Variants in PJA1 observed in about 807,000 individuals in gnomAD.
PJA1 encodes praja ring finger ubiquitin ligase 1, also known as E3 ubiquitin-protein ligase Praja-1.
A neutral mutation model predicts 14.1 loss-of-function variants in PJA1; 5 were observed. That is an observed-to-expected ratio of 0.35 (90% CI 0.18 to 0.74). The LOEUF (loss-of-function observed/expected upper bound fraction) is 0.74. PJA1 is among the 30% of genes least tolerant of loss of function. The probability of loss-of-function intolerance (pLI) is 0.56; values close to 1 mark genes in which losing one functional copy is unlikely to be tolerated. For synonymous variants in PJA1, 174 were observed against 190.9 expected (o/e 0.91, Z 0.73); for missense variants, 394 against 482.6 (o/e 0.82, Z 1.72).
Position 69,161,726 on chromosome X carries a change from C to T in PJA1, c.1348G>A (p.Glu450Lys), listed in dbSNP as rs1180423739. ...AGGCTCCAATCCACTTCTAGGTCTTCGCTCACACTGGAGTCATCTTCAAGG... is the reference window on the plus strand; with the variant it reads ...AGGCTCCAATCCACTTCTAGGTCTTTGCTCACACTGGAGTCATCTTCAAGG... Reference protein sequence around the residue: ...NNLEDDSSVSEDLEVDWSLFD... With the variant: ...NNLEDDSSVSKDLEVDWSLFD... The change falls in exon 2 of 2, where the codon GAA becomes AAA. Residue 450 changes from glutamate to lysine, a missense_variant. By Grantham distance (56) the Glu-to-Lys change is moderately conservative (BLOSUM62 1). Transcript: ENST00000374571. 3.3e-6 allele frequency: 4 copies of T among 1,209,473 alleles called. No homozygotes were observed. Among genetic ancestry groups the T allele is most frequent in the African/African-American group, 1.8e-5 (1 of 56,926 alleles).
chrX:69,161,178 AG>A lies in PJA1; in HGVS notation c.*128del, dbSNP rs1369167545. 2.2e-6 allele frequency: 2 copies of A among 912,965 alleles called. No individual in the cohort carries two copies. The highest frequency in any genetic ancestry group is 4.7e-5 in the Admixed American group (1 of 21,483). 75.2% of individuals were successfully genotyped at this position (912,965 alleles called of 1,213,427 possible). A position where few individuals can be genotyped will look rare whatever the true frequency, so the allele number is the denominator to read the frequency against. On this transcript the variant is annotated 3_prime_UTR_variant, in exon 2 of 2. Transcript: ENST00000374571. ...TGTTTTCACATTGGAAATAATCACG[AG>A]GAATCAATAGGTTTAGGCTAACTGA...
Position 69,162,420 on chromosome X carries a change from A to C in PJA1, c.654T>G (p.Ile218Met), listed in dbSNP as rs1423076588. The change falls in exon 2 of 2, where the codon ATT (isoleucine) becomes ATG (methionine). Residue 218 changes from isoleucine to methionine, a missense_variant. This residue lies in a region of PJA1 where 378 missense variants were observed against 439.3 expected (regional missense o/e 0.86). Transcript: ENST00000374571. ...LASPNCVKPK[I>M]FFDTDDDDDM... is the part of the protein sequence containing the mutation. ...CGTCATCATCATCAGTATCAAAAAA[A>C]ATTTTTGGTTTCACGCAGTTTGGAC... The C allele has an allele frequency of 1.7e-6, 2 of 1,211,052 alleles. No homozygotes were observed. The highest frequency in any genetic ancestry group is 2.2e-6 in the Non-Finnish European group (2 of 895,386).
At chrX:69,163,275 C>A in intron 1 of PJA1, 135 bp from the exon 2 acceptor site, 2 of 1,175,887 alleles carry the variant, frequency 1.7e-6, no homozygotes, top group Non-Finnish European at 2.3e-6. Flanking sequence ...ACAGCTGGGG[C>A]TCGGGTAGGA....
chrX:69,162,930 C>G lies in PJA1; in HGVS notation c.144G>C (p.Glu48Asp), dbSNP rs141198936. 1.3e-4 allele frequency: 161 copies of G among 1,209,173 alleles called. No individual in the cohort carries two copies. Among genetic ancestry groups the G allele is most frequent in the Non-Finnish European group, 1.7e-4 (149 of 895,137 alleles). The stretch of plus-strand genomic sequence containing the variant: ...CTCTTCTGCTACCCGAAGCTCTGTA[C>G]TCTCTTGGCGGATACCTGGAATAGT... ...NEDYSRYPPR[E>D]YRASGSRRGM... is the part of the protein sequence containing the mutation. The change falls in exon 2 of 2, where the codon GAG becomes GAC. Residue 48 changes from glutamate to aspartate, a missense_variant. By Grantham distance (45) the Glu-to-Asp change is conservative. Coordinates refer to ENST00000374571, the MANE Select transcript of PJA1 (RefSeq NM_001032396.4).
rs375273913 is a variant in PJA1 at position 69,162,040 on chromosome X, T to A, written c.1034A>T (p.Glu345Val). 2.5e-6 allele frequency: 3 copies of A among 1,210,914 alleles called. No individual in the cohort carries two copies. The highest frequency in any genetic ancestry group is 2.2e-6 in the Non-Finnish European group (2 of 895,277). ...GESWETLPGK[E>V]EREPPQAKVS... ...CTTAGCCTGTGGAGGTTCCCGCTCT[T>A]CTTTCCCCGGCAGAGTCTCCCAGCT... The change falls in exon 2 of 2, where the codon GAA (glutamate) becomes GTA (valine). Residue 345 changes from glutamate to valine, a missense_variant. By Grantham distance (121) the Glu-to-Val change is moderately radical. Transcript: ENST00000374571.
chrX:69,160,996 A>G lies in PJA1; in HGVS notation c.*311T>C, dbSNP rs1319343481. The G allele has an allele frequency of 4.2e-6, 1 of 240,565 alleles. No homozygotes were observed. Among genetic ancestry groups the G allele is most frequent in the African/African-American group, 2.8e-5 (1 of 35,466 alleles). 19.8% of individuals were successfully genotyped at this position (240,565 alleles called of 1,213,427 possible). A position where few individuals can be genotyped will look rare whatever the true frequency, so the allele number is the denominator to read the frequency against. On this transcript the variant is annotated 3_prime_UTR_variant, in exon 2 of 2. Transcript: ENST00000374571. ...AAACTTGACATTACAAGTAACAGCA[A>G]CACATTCCCATTCTACTGAAGAAAA...
chrX:69,162,873 C>T lies in PJA1; in HGVS notation c.201G>A (p.Gly67=). The T allele has an allele frequency of 1.7e-6, 2 of 1,211,576 alleles. No homozygotes were observed. The highest frequency in any genetic ancestry group is 1.8e-5 in the South Asian group (1 of 56,907). Reference sequence around the variant, plus strand: ...CCCCCTCCTCCTCACTATCATCTGCCCCATAAGAGTCAATATGTCCATAGG... The same window carrying T: ...CCCCCTCCTCCTCACTATCATCTGCTCCATAAGAGTCAATATGTCCATAGG... ...GMAYGHIDSY[G]ADDSEEEGAG... Residue 67 remains glycine, a synonymous_variant, in exon 2 of 2, where the codon GGG becomes GGA. Coordinates refer to ENST00000374571, the MANE Select transcript of PJA1 (RefSeq NM_001032396.4).
In PJA1 at chrX:69,161,844, C is replaced by G; in HGVS notation, c.1230G>C (p.Gln410His). 1 of 1,211,675 alleles carries G rather than the reference C, an allele frequency of 8.3e-7. No homozygotes were observed. ...CACTGCTACTGTCATTCTCATGGTA[C>G]TGGAGCCAAGGAATTTCTCCTTCTT... ...SLEEGEIPWL[Q>H]YHENDSSSEG... The change falls in exon 2 of 2, where the codon CAG becomes CAC. Residue 410 changes from glutamine to histidine, a missense_variant. Around this residue, in one of 2 missense-constraint regions of PJA1, gnomAD observed 378 missense variants for 439.3 expected, o/e 0.86. Coordinates refer to ENST00000374571, the MANE Select transcript of PJA1 (RefSeq NM_001032396.4).
At chrX:69,163,756 G>A (rs1207057904) in intron 1 of PJA1, among the ~76,000 whole-genome samples, 1 of 111,544 alleles carries the variant, frequency 9.0e-6, no homozygotes, top group East Asian at 2.8e-4. Flanking sequence ...TGTCTATCAA[G>A]AGGAGAGGGA....
intron 1 of PJA1, chrX:69,163,510 G>C (rs1925144415): frequency 3.1e-6 from 1 of 317,973 alleles, no homozygotes; most frequent in African/African-American, 2.7e-5. Context: ...ACAAGACTGG[G>C]TTTGCAGGAA....
In PJA1 at chrX:69,162,243, T is replaced by C. The variant is rs1376558445; in HGVS notation, c.831A>G (p.Gln277=). The change falls in exon 2 of 2, where the codon CAA becomes CAG. Residue 277 remains glutamine (Q), a synonymous_variant. Transcript: ENST00000374571. The part of the protein sequence containing the change: ...PEDKREARSD[Q]VKPEKVPRRR... ...GTCTCGGCACCTTTTCTGGTTTCAC[T>C]TGGTCACTCCTCGCTTCCCGTTTGT... The C allele has an allele frequency of 1.7e-6, 2 of 1,211,035 alleles. No homozygotes were observed. The highest frequency in any genetic ancestry group is 2.2e-6 in the Non-Finnish European group (2 of 895,349).
In PJA1 at chrX:69,162,002, T is replaced by G; in HGVS notation, c.1072A>C (p.Thr358Pro). The change falls in exon 2 of 2, where the codon ACT becomes CCT. Residue 358 changes from threonine (T) to proline (P), a missense_variant. Thr to Pro is a conservative substitution (Grantham distance 38). Transcript: ENST00000374571. The stretch of plus-strand genomic sequence containing the variant: ...GCACCGGGGCCAGGGCTGGTGCCAG[T>G]GCTGGCACTCACCTTAGCCTGTGGA... ...EPPQAKVSAS[T>P]GTSPGPGASA... The G allele has an allele frequency of 8.3e-7, 1 of 1,210,684 alleles. No individual in the cohort carries two copies. The highest frequency in any genetic ancestry group is 1.1e-6 in the Non-Finnish European group (1 of 895,187).
Position 69,162,212 on chromosome X carries a change from G to A in PJA1, c.862C>T (p.Arg288Cys), listed in dbSNP as rs1333575502. Residue 288 changes from arginine (R) to cysteine (C), a missense_variant, in exon 2 of 2, where the codon CGC (arginine) becomes TGC (cysteine). Around this residue, in one of 2 missense-constraint regions of PJA1, gnomAD observed 378 missense variants for 439.3 expected, o/e 0.86. Coordinates refer to ENST00000374571, the MANE Select transcript of PJA1 (RefSeq NM_001032396.4). Reference protein sequence around the residue: ...VKPEKVPRRRRTMADPDFWTH... With the variant: ...VKPEKVPRRRCTMADPDFWTH... ...CAGAAGTCAGGGTCGGCCATGGTGC[G>A]TCGTCGTCTCGGCACCTTTTCTGGT... The A allele has an allele frequency of 1.7e-6, 2 of 1,210,910 alleles. No individual in the cohort carries two copies. Among genetic ancestry groups the A allele is most frequent in the South Asian group, 1.8e-5 (1 of 56,811 alleles).
intron 1 of PJA1, among the ~76,000 whole-genome samples, chrX:69,163,999 G>A (rs1377076916): frequency 4.5e-5 from 5 of 110,848 alleles, no homozygotes; most frequent in East Asian, 2.9e-4. Flanking sequence ...ATGTTTATGC[G>A]TATGTCACAG....
intron 1 of PJA1, 147 bp from the exon 2 acceptor site, chrX:69,163,287 G>A: frequency 1.7e-6 from 2 of 1,146,552 alleles, no homozygotes; most frequent in Middle Eastern, 2.5e-4. Context: ...CGGGTAGGAG[G>A]GCTCCTGCTC....
In PJA1 at chrX:69,165,360, C is replaced by T. The variant is rs1316617670; in HGVS notation, c.-68+12G>A. 2 of 112,968 alleles carry T rather than the reference C, an allele frequency of 1.8e-5. No homozygotes were observed. Among genetic ancestry groups the T allele is most frequent in the Non-Finnish European group, 3.7e-5 (2 of 53,355 alleles). The allele number at this position is 112,968 out of a possible 1,213,427, so 9.3% of individuals were successfully genotyped here. A position where few individuals can be genotyped will look rare whatever the true frequency, so the allele number is the denominator to read the frequency against. On this transcript the variant is annotated intron_variant, in intron 1 of 1. Transcript: ENST00000374571. ...CCGGATGAATCGAGGAAACAATCAG[C>T]CTTTCACTCACCAAGTCCAGAAAGC...
chrX:69,161,906 G>A lies in PJA1; in HGVS notation c.1168C>T (p.Arg390Ter). 8.3e-7 allele frequency: 1 copy of A among 1,210,665 alleles called. No homozygotes were observed. Among genetic ancestry groups the A allele is most frequent in the Non-Finnish European group, 1.1e-6 (1 of 895,230 alleles). ...SNGSNYLEEV[R>*]EPSLQEEQAS... ...TGCTCTTCCTGAAGAGATGGTTCTC[G>A]AACTTCTTCAAGGTAATTGCTGCCA... The change falls in exon 2 of 2, where the codon CGA becomes TGA. Residue 390 changes from arginine (R) to a stop codon, truncating the protein, a stop_gained. Coordinates refer to ENST00000374571, the MANE Select transcript of PJA1 (RefSeq NM_001032396.4). LOFTEE classifies it high-confidence loss of function.
chrX:69,162,707 C>G lies in PJA1; in HGVS notation c.367G>C (p.Glu123Gln). ...GGGACTGGGTCTAACTTGTCTCGCT[C>G]CTCTCTCACATCACGGCTAAAACTA... ...FSSFSRDVRE[E>Q]RDKLDPVPAA... is the part of the protein sequence containing the mutation. Residue 123 changes from glutamate (E) to glutamine (Q), a missense_variant, in exon 2 of 2, where the codon GAG becomes CAG. Physicochemically the swap from Glu to Gln is conservative, Grantham distance 29 (BLOSUM62 2). This residue lies in a region of PJA1 where 378 missense variants were observed against 439.3 expected (regional missense o/e 0.86). Coordinates refer to ENST00000374571, the MANE Select transcript of PJA1 (RefSeq NM_001032396.4). The G allele has an allele frequency of 8.3e-7, 1 of 1,208,771 alleles. No individual in the cohort carries two copies. Among genetic ancestry groups the G allele is most frequent in the Admixed American group, 2.2e-5 (1 of 45,700 alleles).
At position 69,161,912 on chromosome X, in the gene PJA1, C is replaced by G. The variant is rs1434247189; in HGVS notation, c.1162G>C (p.Glu388Gln). 2 of 1,211,057 alleles carry G rather than the reference C, an allele frequency of 1.7e-6. No individual in the cohort carries two copies. Among genetic ancestry groups the G allele is most frequent in the Non-Finnish European group, 2.2e-6 (2 of 895,315 alleles). The change falls in exon 2 of 2, where the codon GAA becomes CAA. Residue 388 changes from glutamate to glutamine, a missense_variant. By Grantham distance (29) the Glu-to-Gln change is conservative. Transcript: ENST00000374571. ...TCCTGAAGAGATGGTTCTCGAACTT[C>G]TTCAAGGTAATTGCTGCCATTGCTG... is the stretch of plus-strand genomic sequence containing the variant. ...AGSNGSNYLE[E>Q]VREPSLQEEQ...
Sources: gnomAD v4.1 joint callset for allele counts (sites outside exome capture counted in the v4.1 genomes callset) on GRCh38, gnomAD v4.1.1 for gene constraint, gnomAD v4.1.1 regional missense constraint, MANE v1.5 for transcripts, NCBI Gene and HGNC (gene_info 2026-07-23, HGNC 2026-07-21) for gene names.